Variants in RPAIN observed in about 807,000 individuals in gnomAD.
The protein encoded by RPAIN is RPA interacting protein.
A neutral mutation model predicts 30.5 loss-of-function variants in RPAIN; 29 were observed. That is an observed-to-expected ratio of 0.95 (90% CI 0.71 to 1.30). RPAIN has a LOEUF of 1.30. RPAIN is among the 50% of genes most tolerant of loss of function. RPAIN has a pLI of 0.00. For synonymous variants in RPAIN, 101 were observed against 93.5 expected (o/e 1.08, Z -0.46); for missense variants, 247 against 264.7 (o/e 0.93, Z 0.46).
rs1026088361 is a variant in RPAIN, at chr17:5,426,489, C to T, written c.489+190C>T. ...ATGGCATGAAAATTGGCAAACAGTA[C>T]ACATCAGAGCCTTTAGGGCCCTGGA... On this transcript the variant is annotated intron_variant, in intron 5 of 6. Transcript: ENST00000381209. 6.6e-6 allele frequency: 4 copies of T among 607,988 alleles called. No homozygotes were observed. The South Asian group carries it at 7.7e-5, about 12-fold the overall frequency. The allele number at this position is 607,988 out of a possible 1,614,324, so 37.7% of individuals were successfully genotyped here.
In RPAIN at chr17:5,426,013, A is replaced by G. The variant is rs1479213219; in HGVS notation, c.356A>G (p.Asp119Gly). The G allele has an allele frequency of 6.2e-7, 1 of 1,613,898 alleles. No individual in the cohort carries two copies. The change falls in exon 4 of 7, where the codon GAT (aspartate) becomes GGT (glycine). Residue 119 changes from aspartate to glycine, a missense_variant. Transcript: ENST00000381209. ...ISEYEKSLQF[D>G]EKCLSIMLAE... ...GAGTATGAGAAGAGCTTGCAGTTTG[A>G]TGAAAAGTGTCTCAGCATCATGCTG...
At position 5,432,622 on chromosome 17, in the gene RPAIN, T is replaced by C. The variant is rs1332883447; in HGVS notation, c.*51T>C. Reference sequence around the variant, plus strand: ...ATGGGGTTGAAGACAACTCATTCCCTCTGAGGAGCCTTGTACATACAAGCC... The same window carrying C: ...ATGGGGTTGAAGACAACTCATTCCCCCTGAGGAGCCTTGTACATACAAGCC... On this transcript the variant is annotated 3_prime_UTR_variant, in exon 7 of 7. Coordinates refer to ENST00000381209, the MANE Select transcript of RPAIN (RefSeq NM_001033002.4). The C allele has an allele frequency of 6.6e-7, 1 of 1,522,308 alleles. No individual in the cohort carries two copies. Among genetic ancestry groups the C allele is most frequent in the African/African-American group, 1.4e-5 (1 of 72,996 alleles). The allele number at this position is 1,522,308 out of a possible 1,614,324, so 94.3% of individuals were successfully genotyped here.
At chr17:5,421,258 C>CTT in intron 1 of RPAIN, 38 bp from the exon 2 acceptor site, 5 of 1,500,936 alleles carry the variant, frequency 3.3e-6, no homozygotes, top group African/African-American at 1.4e-5. Context: ...AATAGAAATG[C>CTT]TTTTTTTTTC....
intron 3 of RPAIN, 120 bp from the exon 4 acceptor site, chr17:5,425,851 T>C: frequency 1.6e-6 from 1 of 643,770 alleles, no homozygotes; most frequent in Non-Finnish European, 2.8e-6. Context: ...CAGTCATTGG[T>C]ATTGTGGTCT....
intron 3 of RPAIN, chr17:5,425,434 CA>C: frequency 2.3e-6 from 1 of 430,790 alleles, no homozygotes; most frequent in South Asian, 1.7e-5. Flanking sequence ...CTCCTGGGTT[CA>C]AGTGATTCTT....
chr17:5,432,838 T>A lies in RPAIN; in HGVS notation c.*267T>A. On this transcript the variant is annotated 3_prime_UTR_variant, in exon 7 of 7. Transcript: ENST00000381209. ...ATACAAAAATCTAGAAATAATAGAT[T>A]TGTACAGAAAAAAATGATAATAAAT... The A allele has an allele frequency of 4.3e-6, 4 of 932,290 alleles. No homozygotes were observed. Among genetic ancestry groups the A allele is most frequent in the Non-Finnish European group, 6.1e-6 (4 of 654,882 alleles). The allele number at this position is 932,290 out of a possible 1,614,324, so 57.8% of individuals were successfully genotyped here. A position where few individuals can be genotyped will look rare whatever the true frequency, so the allele number is the denominator to read the frequency against.
Position 5,426,062 on chromosome 17 carries a change from C to T in RPAIN, c.405C>T (p.Leu135=). 2 of 1,612,692 alleles carry T rather than the reference C, an allele frequency of 1.2e-6. No homozygotes were observed. Among genetic ancestry groups the T allele is most frequent in the Non-Finnish European group, 1.7e-6 (2 of 1,178,848 alleles). Residue 135 remains leucine, a synonymous_variant, in exon 4 of 7, where the codon CTC becomes CTT. Coordinates refer to ENST00000381209, the MANE Select transcript of RPAIN (RefSeq NM_001033002.4). The part of the protein sequence containing the change: ...IMLAEWEANP[L]ICPVCTKYNL... ...TGGCTGAGTGGGAGGCAAACCCACT[C>T]ATCTGTCCTGTATGTACAAAGTAAG...
At chr17:5,430,768 T>C (rs1915824147) in intron 6 of RPAIN, 2 of 152,502 alleles carry the variant, frequency 1.3e-5, no homozygotes, top group Non-Finnish European at 2.9e-5. Context: ...GGAGGAGAGT[T>C]GAGGCACAGG....
rs750385949 is a variant in RPAIN, at chr17:5,420,303, G to T, written c.81+12G>T. On this transcript the variant is annotated intron_variant, in intron 1 of 6. Coordinates refer to ENST00000381209, the MANE Select transcript of RPAIN (RefSeq NM_001033002.4). ...AGGCTTTCCGGCAGGTGGGTATGGG[G>T]TTTGTGCAGTGGTCTACCCTAGATC... The T allele has an allele frequency of 1.1e-5, 18 of 1,611,634 alleles. No individual in the cohort carries two copies. In the South Asian group the frequency reaches 2.0e-4, roughly 18 times the overall value.
At chr17:5,421,054 C>T (rs1914746805) in intron 1 of RPAIN, among the ~76,000 whole-genome samples, 1 of 152,172 alleles carries the variant, frequency 6.6e-6, no homozygotes, top group South Asian at 2.1e-4. Flanking sequence ...ATATTATGCA[C>T]ACAACCATTA....
chr17:5,424,639 G>C (rs1395518487), intron 3 of RPAIN, among the ~76,000 whole-genome samples: 2 of 152,136 alleles, frequency 1.3e-5, no homozygotes, highest in African/African-American at 4.8e-5. Flanking sequence ...TAATTTGTGT[G>C]GCACCGACCA....
At position 5,420,235 on chromosome 17, in the gene RPAIN, C is replaced by T. The variant is rs770687909; in HGVS notation, c.25C>T (p.Arg9Cys). 2 of 1,613,838 alleles carry T rather than the reference C, an allele frequency of 1.2e-6. No homozygotes were observed. Among genetic ancestry groups the T allele is most frequent in the Non-Finnish European group, 1.7e-6 (2 of 1,180,008 alleles). Residue 9 changes from arginine to cysteine, a missense_variant, in exon 1 of 7, where the codon CGC (arginine) becomes TGC (cysteine). Transcript: ENST00000381209. The stretch of plus-strand genomic sequence containing the variant: ...GATGGCGGAGTCGTTGAGGTCTCCG[C>T]GCCGCTCCCTGTACAAACTGGTGGG... MAESLRSP[R>C]RSLYKLVGSP...
rs114527360 is a variant in RPAIN, at chr17:5,432,248, C to G, written c.631-294C>G. 923 of 363,268 alleles carry G rather than the reference C, an allele frequency of 2.5e-3. 11 individuals carry two copies. Among genetic ancestry groups the G allele is most frequent in the African/African-American group, 0.017 (846 of 48,620 alleles). The allele number at this position is 363,268 out of a possible 1,614,324, so 22.5% of individuals were successfully genotyped here. A position where few individuals can be genotyped will look rare whatever the true frequency, so the allele number is the denominator to read the frequency against. ...AGAGTTTGAATACAATCTTTCTGGT[C>G]AGTGGTTTCCTGATGGTGAGGATGT... On this transcript the variant is annotated intron_variant, in intron 6 of 6. Transcript: ENST00000381209.
At chr17:5,431,137 G>A in intron 6 of RPAIN, 1 of 314,588 alleles carries the variant, frequency 3.2e-6, no homozygotes, top group Non-Finnish European at 6.1e-6. Context: ...GCCGGCTCTG[G>A]GGTGGGCAGG....
Position 5,432,751 on chromosome 17 carries a change from G to A in RPAIN, c.*180G>A, listed in dbSNP as rs1232658528. The A allele has an allele frequency of 1.2e-5, 9 of 763,762 alleles. No homozygotes were observed. The highest frequency in any genetic ancestry group is 8.1e-6 in the Non-Finnish European group (4 of 494,942). The allele number at this position is 763,762 out of a possible 1,614,324, so 47.3% of individuals were successfully genotyped here. A position where few individuals can be genotyped will look rare whatever the true frequency, so the allele number is the denominator to read the frequency against. On this transcript the variant is annotated 3_prime_UTR_variant, in exon 7 of 7. Transcript: ENST00000381209. ...GTCTTTTGTGACGCAGGTTGAAGGG[G>A]GAGGAATAGAAAAAGACAAACTGCC...
At position 5,426,027 on chromosome 17, in the gene RPAIN, A is replaced by G. The variant is rs1395402434; in HGVS notation, c.370A>G (p.Ser124Gly). The change falls in exon 4 of 7, where the codon AGC becomes GGC. Residue 124 changes from serine (S) to glycine (G), a missense_variant. Transcript: ENST00000381209. ...CTTGCAGTTTGATGAAAAGTGTCTC[A>G]GCATCATGCTGGCTGAGTGGGAGGC... ...KSLQFDEKCLSIMLAEWEANP... is the reference protein window; with the variant it reads ...KSLQFDEKCLGIMLAEWEANP... 1 of 1,614,064 alleles carries G rather than the reference A, an allele frequency of 6.2e-7. No homozygotes were observed. The highest frequency in any genetic ancestry group is 1.7e-5 in the Admixed American group (1 of 59,996).
At chr17:5,427,340 T>C (rs1915498399) in intron 5 of RPAIN, 1 of 152,274 alleles carries the variant, frequency 6.6e-6, no homozygotes, top group Admixed American at 6.5e-5. Context: ...TTCACCATGT[T>C]GGTCACGCTG....
At chr17:5,431,451 CGCTCCAG>C (rs1915918251) in intron 6 of RPAIN, 1 of 429,586 alleles carries the variant, frequency 2.3e-6, no homozygotes, top group Admixed American at 2.7e-5. Context: ...GGCGCCATTG[CGCTCCAG>C]GCTGGGTGAC....
At chr17:5,431,509 G>A (rs1034464391) in intron 6 of RPAIN, 1 of 365,318 alleles carries the variant, frequency 2.7e-6, no homozygotes, top group South Asian at 2.0e-5. Context: ...AAGAGGAGGG[G>A]GAAAGACAAA....
Sources: gnomAD v4.1 joint callset for allele counts (sites outside exome capture counted in the v4.1 genomes callset) on GRCh38, gnomAD v4.1.1 for gene constraint, MANE v1.5 for transcripts, NCBI Gene and HGNC (gene_info 2026-07-23, HGNC 2026-07-21) for gene names.